Variants in ELF1 observed in about 807,000 individuals in gnomAD.
ELF1 encodes the protein ETS-related transcription factor Elf-1.
ELF1 carries 24 observed loss-of-function variants against 59.9 expected under a neutral mutation model. That is an observed-to-expected ratio of 0.40 (90% CI 0.29 to 0.56). The LOEUF (loss-of-function observed/expected upper bound fraction) is 0.56. ELF1 is among the 20% of genes least tolerant of loss of function. The probability of loss-of-function intolerance (pLI) is 0.44; values close to 1 mark genes in which losing one functional copy is unlikely to be tolerated. For synonymous variants in ELF1, 248 were observed against 266.2 expected (o/e 0.93, Z 0.67); for missense variants, 627 against 742.2 (o/e 0.84, Z 1.80).
intron 3 of ELF1, among the ~76,000 whole-genome samples, chr13:40,951,866 TA>T (rs530966733): frequency 3.4e-4 from 49 of 142,732 alleles, no homozygotes; most frequent in Middle Eastern, 3.6e-3. Context: ...GACTCTGTCT[TA>T]AAAAAAAAAA....
chr13:41,039,006 CAAAAAA>C (rs11405097), intron 1 of ELF1, among the ~76,000 whole-genome samples: 3 of 76,574 alleles, frequency 3.9e-5, no homozygotes, highest in Non-Finnish European at 7.2e-5. Flanking sequence ...GAGACTTTGT[CAAAAAA>C]AAAAAAAAAA....
At chr13:41,025,368 C>A (rs759960893) in intron 1 of ELF1, among the ~76,000 whole-genome samples, 2 of 152,198 alleles carry the variant, frequency 1.3e-5, no homozygotes, top group Non-Finnish European at 2.9e-5. Context: ...GCCCCACTTA[C>A]AATTACTGTG....
chr13:41,027,503 A>C (rs886570662), intron 1 of ELF1, among the ~76,000 whole-genome samples: 13 of 152,214 alleles, frequency 8.5e-5, no homozygotes, highest in African/African-American at 2.9e-4. Context: ...CTGAGTGCCC[A>C]ATCTGCTAGC....
At chr13:40,987,584 CA>C (rs374604821) in intron 1 of ELF1, among the ~76,000 whole-genome samples, 4,715 of 68,298 alleles carry the variant, frequency 0.069, 155 homozygotes, top group East Asian at 0.24. Context: ...GACTCTGTCT[CA>C]AAAAAAAAAA....
At chr13:40,943,543 A>G (rs1246390491) in intron 6 of ELF1, among the ~76,000 whole-genome samples, 1 of 152,224 alleles carries the variant, frequency 6.6e-6, no homozygotes, top group Admixed American at 6.5e-5. Flanking sequence ...TTGAATTTCA[A>G]GACAACATAT....
chr13:40,960,282 CT>C (rs1488212173), intron 2 of ELF1, among the ~76,000 whole-genome samples: 2 of 151,956 alleles, frequency 1.3e-5, no homozygotes, highest in African/African-American at 2.4e-5. Context: ...AAAAAAAAAT[CT>C]TTTTTGGTTA....
At chr13:40,956,850 C>T (rs1165867843) in intron 3 of ELF1, among the ~76,000 whole-genome samples, 1 of 151,116 alleles carries the variant, frequency 6.6e-6, no homozygotes, top group African/African-American at 2.4e-5. Context: ...TGCCACCATA[C>T]TTGGCTAATT....
At chr13:40,986,224 T>C (rs769983122) in intron 1 of ELF1, among the ~76,000 whole-genome samples, 1 of 152,216 alleles carries the variant, frequency 6.6e-6, no homozygotes, top group Non-Finnish European at 1.5e-5. Context: ...GCCAATCTTC[T>C]GCAGTGTGAC....
At chr13:41,036,006 G>A (rs1055001721) in intron 1 of ELF1, among the ~76,000 whole-genome samples, 1 of 151,372 alleles carries the variant, frequency 6.6e-6, no homozygotes, top group South Asian at 2.1e-4. Flanking sequence ...CCGGGTTCAC[G>A]CCATTCTCCT....
chr13:40,982,819 T>A (rs2138274915), intron 1 of ELF1: 1 of 972,942 alleles, frequency 1.0e-6, no homozygotes. Flanking sequence ...TTCTGTTCTT[T>A]AAAAAGGCTT....
At position 41,060,761 on chromosome 13, in the gene ELF1, G is replaced by C. The variant is rs532719434; in HGVS notation, c.-229+77C>G. 6 of 166,950 alleles carry C rather than the reference G, an allele frequency of 3.6e-5. 1 individual carries two copies. In the South Asian group the frequency reaches 4.5e-4, roughly 13 times the overall value. 10.3% of individuals were successfully genotyped at this position (166,950 alleles called of 1,614,324 possible). A position where few individuals can be genotyped will look rare whatever the true frequency, so the allele number is the denominator to read the frequency against. On this transcript the variant is annotated intron_variant, in intron 1 of 1. Coordinates refer to the ELF1 transcript ENST00000405737. ...CGTTCCCATACCGGGAGTCGAACCC[G>C]GGCCACCTGGGTGAAAACCAGGAAT...
chr13:40,962,449 A>AAGGTGG (rs1162345853), intron 2 of ELF1, among the ~76,000 whole-genome samples: 5 of 151,908 alleles, frequency 3.3e-5, no homozygotes, highest in African/African-American at 1.2e-4. Flanking sequence ...TTGGGAGGGC[A>AAGGTGG]AGGTGGGTGG....
chr13:41,017,171 A>C (rs952629825), intron 1 of ELF1, among the ~76,000 whole-genome samples: 12 of 151,644 alleles, frequency 7.9e-5, no homozygotes, highest in South Asian at 2.1e-4. Flanking sequence ...GAAAAAGAAA[A>C]CTACATTTTC....
At chr13:40,994,357 T>C (rs1874025716) in intron 1 of ELF1, among the ~76,000 whole-genome samples, 1 of 152,102 alleles carries the variant, frequency 6.6e-6, no homozygotes, top group Non-Finnish European at 1.5e-5. Flanking sequence ...AAAAGAGAAA[T>C]ATCAGCCAGG....
In ELF1 at chr13:41,008,019, G is replaced by A. The variant is rs79359047; in HGVS notation, c.-229+11209C>T. 2.5e-3 allele frequency among the ~76,000 whole-genome samples: 384 copies of A among 152,222 alleles called. 4 individuals carry two copies. The highest frequency in any genetic ancestry group is 0.01 in the Middle Eastern group (3 of 294). On this transcript the variant is annotated intron_variant, in intron 1 of 8. Coordinates refer to ENST00000239882, the MANE Select transcript of ELF1 (RefSeq NM_172373.4). ...CCATGAGTCTACTCCTTACCACTGG[G>A]CACTCACATTTTAAAAAGGCGACTT...
intron 5 of ELF1, among the ~76,000 whole-genome samples, chr13:40,946,049 T>C (rs1195343095): frequency 6.6e-6 from 1 of 152,162 alleles, no homozygotes; most frequent in Non-Finnish European, 1.5e-5. Context: ...CGTTTCACCA[T>C]GTTGCTCTCG....
At chr13:41,023,700 T>C (rs1875775163), upstream of ELF1, among the ~76,000 whole-genome samples, 1 of 152,174 alleles carries the variant, frequency 6.6e-6, no homozygotes, top group Non-Finnish European at 1.5e-5. Context: ...AGGTGGTACT[T>C]TTTACCACCC....
intron 1 of ELF1, among the ~76,000 whole-genome samples, chr13:41,033,502 A>G (rs1876254366): frequency 6.6e-6 from 1 of 152,222 alleles, no homozygotes; most frequent in Non-Finnish European, 1.5e-5. Context: ...CAAAAGCATT[A>G]TGCTGAGTGA....
intron 4 of ELF1, among the ~76,000 whole-genome samples, chr13:40,950,315 T>G (rs1211518908): frequency 6.6e-6 from 1 of 152,154 alleles, no homozygotes; most frequent in African/African-American, 2.4e-5. Flanking sequence ...TACCTTTCCA[T>G]AGTTCATAGG....
Sources: allele counts gnomAD v4.1 joint callset (sites outside exome capture counted in the v4.1 genomes callset), GRCh38; gene constraint gnomAD v4.1.1; transcripts MANE v1.5; gene names NCBI Gene and HGNC (gene_info 2026-07-23, HGNC 2026-07-21).